The following CHD6 variants were observed in gnomAD, a reference collection of about 807,000 sequenced individuals.
The protein encoded by CHD6 is ATP-dependent chromatin remodeler CHD6.
CHD6 carries 50 observed loss-of-function variants against 276.9 expected under a neutral mutation model. That is an observed-to-expected ratio of 0.18 (90% CI 0.14 to 0.23). The LOEUF (loss-of-function observed/expected upper bound fraction) is 0.23, where lower values mean the gene tolerates loss of function less well. Among genes scored for constraint, CHD6 ranks in the 10% least tolerant of loss-of-function variants. The pLI, the probability that CHD6 is intolerant of heterozygous loss-of-function variation, is 1.00. For synonymous variants in CHD6, 1,173 were observed against 1,229.3 expected, an observed-to-expected ratio of 0.95 and a Z score of 0.96; for missense variants, 2,564 against 3,365.8, an observed-to-expected ratio of 0.76 and a Z score of 5.89.
intron 31 of CHD6, 129 bp downstream of exon 31, chr20:41,420,379 C>T: frequency 9.8e-7 from 1 of 1,016,996 alleles, no homozygotes; most frequent in Non-Finnish European, 1.4e-6. Flanking sequence ...GGCCTATGAC[C>T]TTTGGTGAGG....
intron 1 of CHD6, among the ~76,000 whole-genome samples, chr20:41,612,036 G>C (rs900511654): frequency 3.3e-5 from 5 of 152,004 alleles, no homozygotes; most frequent in Admixed American, 6.5e-5. Context: ...CCCAATCTAT[G>C]GCCAAGACTT....
intron 10 of CHD6, 138 bp downstream of exon 10, chr20:41,493,400 T>G: frequency 1.2e-6 from 1 of 845,974 alleles, no homozygotes; most frequent in African/African-American, 1.7e-5. Flanking sequence ...AAACACTGAA[T>G]TGAGGGTTCA....
Position 41,487,806 on chromosome 20 carries a change from T to C in CHD6, c.1860A>G (p.Glu620=), listed in dbSNP as rs750061942. ...LLEGLKLMAL[E]HKVLLTGTPL... ...GTGTTCCAGTGAGAAGCACTTTATG[T>C]TCCTGCGCAAATTAAACATACATGA... The change falls in exon 14 of 37, where the codon GAA becomes GAG. Residue 620 remains glutamate, a splice_region_variant and synonymous_variant. Coordinates refer to ENST00000373233, the MANE Select transcript of CHD6 (RefSeq NM_032221.5). The C allele has an allele frequency of 6.2e-7, 1 of 1,607,642 alleles. No homozygotes were observed. Among genetic ancestry groups the C allele is most frequent in the South Asian group, 1.1e-5 (1 of 89,446 alleles).
At chr20:41,564,645 C>T (rs2045336281) in intron 1 of CHD6, among the ~76,000 whole-genome samples, 1 of 152,146 alleles carries the variant, frequency 6.6e-6, no homozygotes, top group Admixed American at 6.5e-5. Flanking sequence ...AGAAAGCGGA[C>T]ATTTTTCCGT....
intron 1 of CHD6, among the ~76,000 whole-genome samples, chr20:41,596,517 C>T (rs2045719252): frequency 6.6e-6 from 1 of 151,978 alleles, no homozygotes; most frequent in Non-Finnish European, 1.5e-5. Flanking sequence ...AACATCCTCC[C>T]GGTCAAAATA....
In CHD6 at chr20:41,404,747, G is replaced by T; in HGVS notation, c.7994C>A (p.Pro2665His). 1 of 1,605,728 alleles carries T rather than the reference G, an allele frequency of 6.2e-7. No individual in the cohort carries two copies. The highest frequency in any genetic ancestry group is 1.1e-5 in the South Asian group (1 of 89,722). Residue 2665 changes from proline (P) to histidine (H), a missense_variant, in exon 37 of 37, where the codon CCC (proline) becomes CAC (histidine). Pro to His is a moderately conservative substitution (Grantham distance 77). Transcript: ENST00000373233. ...RKKKKTKGDNPNSHPEPAPSC... is the reference protein window; with the variant it reads ...RKKKKTKGDNHNSHPEPAPSC... ...GGGAGCAGGCTCTGGGTGGGAGTTGGGGTTGTCCCCCTTTGTCTTCTTCTT... is the reference window on the plus strand; with the variant it reads ...GGGAGCAGGCTCTGGGTGGGAGTTGTGGTTGTCCCCCTTTGTCTTCTTCTT...
chr20:41,464,304 A>C (rs1040182688), intron 17 of CHD6, among the ~76,000 whole-genome samples: 4 of 152,216 alleles, frequency 2.6e-5, no homozygotes, highest in African/African-American at 9.6e-5. Flanking sequence ...GTCGTGAAGA[A>C]AATAACTAAA....
At chr20:41,521,902 T>C (rs561318479) in intron 3 of CHD6, among the ~76,000 whole-genome samples, 2 of 152,138 alleles carry the variant, frequency 1.3e-5, no homozygotes, top group African/African-American at 2.4e-5. Context: ...ACCAAAGTAA[T>C]TGAGGACAGT....
chr20:41,428,316 C>T (rs530053246), intron 27 of CHD6, among the ~76,000 whole-genome samples: 7 of 152,098 alleles, frequency 4.6e-5, no homozygotes, highest in African/African-American at 1.7e-4. Context: ...GTTAATAATC[C>T]GTTTAATGTG....
chr20:41,419,161 A>G (rs2047098619), intron 31 of CHD6, among the ~76,000 whole-genome samples: 1 of 152,152 alleles, frequency 6.6e-6, no homozygotes, highest in Admixed American at 6.5e-5. Context: ...AACTCTATCA[A>G]GCTACTTTCA....
chr20:41,560,723 C>T (rs967653478), intron 1 of CHD6, among the ~76,000 whole-genome samples: 1 of 152,000 alleles, frequency 6.6e-6, no homozygotes, highest in Non-Finnish European at 1.5e-5. Flanking sequence ...TAACTAGTGA[C>T]CTCTTTTTTT....
chr20:41,566,315 G>GA (rs2045354989), intron 1 of CHD6, among the ~76,000 whole-genome samples: 3 of 152,114 alleles, frequency 2.0e-5, no homozygotes, highest in Admixed American at 2.0e-4. Flanking sequence ...TAGGTAGGGG[G>GA]AAAAATGAAG....
At chr20:41,573,956 A>T (rs2045445846) in intron 1 of CHD6, among the ~76,000 whole-genome samples, 1 of 152,280 alleles carries the variant, frequency 6.6e-6, no homozygotes, top group African/African-American at 2.4e-5. Flanking sequence ...CCACAGGGAA[A>T]AGGGCAAGAG....
chr20:41,513,325 A>G (rs1465401533), intron 4 of CHD6, among the ~76,000 whole-genome samples: 2 of 152,106 alleles, frequency 1.3e-5, no homozygotes, highest in Non-Finnish European at 2.9e-5. Flanking sequence ...CTCCAATAAA[A>G]CAAGGATGGG....
At chr20:41,414,164 C>T (rs895837337) in intron 34 of CHD6, 8 of 152,200 alleles carry the variant, frequency 5.3e-5, no homozygotes, top group Non-Finnish European at 1.2e-4. Flanking sequence ...GAACGTGTCA[C>T]TTCAGCTTCC....
rs2048254941 is a variant in CHD6 at position 41,452,031 on chromosome 20, A to G, written c.3324-6T>C. On this transcript the variant is annotated splice_region_variant and splice_polypyrimidine_tract_variant and intron_variant, in intron 21 of 36. Coordinates refer to ENST00000373233, the MANE Select transcript of CHD6 (RefSeq NM_032221.5). The surrounding 1 kb of genome is among the most constrained non-coding windows in gnomAD (Gnocchi z 4.2). ...TGTCCTTCCACCGGCCCCAGCTGAC[A>G]GTGGACATACAGACAGGTGTTGGAG... The G allele has an allele frequency of 6.2e-7, 1 of 1,612,178 alleles. No homozygotes were observed. The highest frequency in any genetic ancestry group is 8.5e-7 in the Non-Finnish European group (1 of 1,178,496).
At chr20:41,463,128 C>T (rs958255271) in intron 17 of CHD6, among the ~76,000 whole-genome samples, 22 of 151,904 alleles carry the variant, frequency 1.4e-4, no homozygotes, top group African/African-American at 4.6e-4. Context: ...AACAGAACAT[C>T]GAAATAAATA....
intron 29 of CHD6, among the ~76,000 whole-genome samples, chr20:41,424,010 G>A (rs2047281505): frequency 6.6e-6 from 1 of 152,152 alleles, no homozygotes; most frequent in Non-Finnish European, 1.5e-5. Flanking sequence ...GAATCACCTA[G>A]TTAACTTCTG....
intron 1 of CHD6, among the ~76,000 whole-genome samples, chr20:41,580,058 A>C (rs891228346): frequency 6.6e-6 from 1 of 152,188 alleles, no homozygotes; most frequent in Non-Finnish European, 1.5e-5. Flanking sequence ...ACTATATCAT[A>C]GATTCATAGG....
Sources: allele counts gnomAD v4.1 joint callset (sites outside exome capture counted in the v4.1 genomes callset), GRCh38; gene constraint gnomAD v4.1.1; non-coding constraint Gnocchi (gnomAD v3.1); transcripts MANE v1.5; gene names NCBI Gene and HGNC (gene_info 2026-07-23, HGNC 2026-07-21).